The following NIPAL1 variants were observed in gnomAD, a reference collection of about 807,000 sequenced individuals.
NIPAL1 encodes the protein magnesium transporter NIPA3.
NIPAL1 carries 35 observed loss-of-function variants against 37.7 expected under a neutral mutation model. The observed-to-expected ratio is 0.93, with a 90% CI of 0.71 to 1.23. NIPAL1 has a LOEUF of 1.23. Among genes scored for constraint, NIPAL1 ranks in the 50% most tolerant of loss-of-function variants. NIPAL1 has a pLI of 0.00. For synonymous variants in NIPAL1, 162 were observed against 183.0 expected, an observed-to-expected ratio of 0.89 and a Z score of 0.93; for missense variants, 412 against 473.9, an observed-to-expected ratio of 0.87 and a Z score of 1.21.
Position 48,025,164 on chromosome 4 carries a change from A to T in NIPAL1, c.143A>T (p.Asp48Val). 6 of 1,614,208 alleles carry T rather than the reference A, an allele frequency of 3.7e-6. No homozygotes were observed. Among genetic ancestry groups the T allele is most frequent in the Non-Finnish European group, 5.1e-6 (6 of 1,180,012 alleles). Residue 48 changes from aspartate (D) to valine (V), a missense_variant, in exon 2 of 6, where the codon GAC becomes GTC. Asp to Val is a radical substitution (Grantham distance 152). Coordinates refer to ENST00000295461, the MANE Select transcript of NIPAL1 (RefSeq NM_207330.3). ...QLLASPVLYT[D>V]LNYSINNLSI... ...CTGGCTTCTCCTGTGCTCTACACGG[A>T]CCTGAATTACAGCATAAACAACTTG...
At position 48,037,341 on chromosome 4, in the gene NIPAL1, G is replaced by A. The variant is rs745816839; in HGVS notation, c.*1169G>A. ...AAAATGGAGTTTCTGAAGAAGTCCA[G>A]GTGAATTCAGCTTTGGAGTCACTTA... On this transcript the variant is annotated 3_prime_UTR_variant, in exon 6 of 6. Coordinates refer to ENST00000295461, the MANE Select transcript of NIPAL1 (RefSeq NM_207330.3). 1.6e-5 allele frequency: 6 copies of A among 375,728 alleles called. No individual in the cohort carries two copies. Among genetic ancestry groups the A allele is most frequent in the Non-Finnish European group, 3.1e-5 (6 of 191,578 alleles). 23.3% of individuals were successfully genotyped at this position (375,728 alleles called of 1,614,324 possible).
At chr4:48,016,954 G>C (rs750418312) in intron 1 of NIPAL1, 69 bp downstream of exon 1, 73 of 1,334,248 alleles carry the variant, frequency 5.5e-5, no homozygotes, top group Non-Finnish European at 7.5e-5. Flanking sequence ...GCGGTCCCCG[G>C]ACACTTGCGG....
Position 48,036,167 on chromosome 4 carries a change from G to A in NIPAL1, c.1228G>A (p.Asp410Asn). 1 of 1,595,022 alleles carries A rather than the reference G, an allele frequency of 6.3e-7. No individual in the cohort carries two copies. ...CGTTACCTTGTTTAGTAGAACTGATGACTGAAGTCTCTAGAAACACTGAGT... is the reference window on the plus strand; with the variant it reads ...CGTTACCTTGTTTAGTAGAACTGATAACTGAAGTCTCTAGAAACACTGAGT... ...DDVTLFSRTD[D>N] The change falls in exon 6 of 6, where the codon GAC becomes AAC. Residue 410 changes from aspartate to asparagine, a missense_variant. By Grantham distance (23) the Asp-to-Asn change is conservative. Coordinates refer to ENST00000295461, the MANE Select transcript of NIPAL1 (RefSeq NM_207330.3).
At chr4:48,018,176 T>C (rs1307544631) in intron 1 of NIPAL1, among the ~76,000 whole-genome samples, 1 of 152,202 alleles carries the variant, frequency 6.6e-6, no homozygotes, top group East Asian at 1.9e-4. Context: ...GGCAGCTGAA[T>C]CTAGAATTAT....
chr4:48,019,151 G>C (rs1715517178), intron 1 of NIPAL1, among the ~76,000 whole-genome samples: 1 of 152,146 alleles, frequency 6.6e-6, no homozygotes. Context: ...TCAAGTAGCT[G>C]GGAATACAGG....
chr4:48,020,322 G>A (rs1161173515), intron 1 of NIPAL1, among the ~76,000 whole-genome samples: 2 of 152,130 alleles, frequency 1.3e-5, no homozygotes, highest in Admixed American at 6.5e-5. Flanking sequence ...CAGGGGACAG[G>A]GAGTATTAAG....
intron 1 of NIPAL1, among the ~76,000 whole-genome samples, chr4:48,022,542 G>T (rs1479952725): frequency 6.6e-6 from 1 of 152,138 alleles, no homozygotes; most frequent in Non-Finnish European, 1.5e-5. Flanking sequence ...TCACTGGAAT[G>T]AGATCTACCC....
chr4:48,016,894 C>A lies in NIPAL1; in HGVS notation c.46+9C>A. ...AGAGCCCTGCCGAGAAGGTTTGTGT[C>A]TGCCCTGAGCCGAGGGACCTGGCAG... On this transcript the variant is annotated intron_variant, in intron 1 of 5. Transcript: ENST00000295461. The A allele has an allele frequency of 6.3e-7, 1 of 1,595,702 alleles. No homozygotes were observed. Among genetic ancestry groups the A allele is most frequent in the Non-Finnish European group, 8.5e-7 (1 of 1,173,028 alleles).
intron 2 of NIPAL1, among the ~76,000 whole-genome samples, 195 bp from the exon 3 acceptor site, chr4:48,029,925 T>G (rs1387454456): frequency 1.3e-5 from 2 of 152,176 alleles, no homozygotes; most frequent in African/African-American, 4.8e-5. Flanking sequence ...GGGGATTTGT[T>G]AAATCATTGT....
rs1716042080 is a variant in NIPAL1, at chr4:48,039,931, A to G, written c.*3759A>G. The G allele has an allele frequency of 6.6e-6, 1 of 152,326 alleles. No individual in the cohort carries two copies. The highest frequency in any genetic ancestry group is 1.5e-5 in the Non-Finnish European group (1 of 68,030). 9.4% of individuals were successfully genotyped at this position (152,326 alleles called of 1,614,324 possible). A position where few individuals can be genotyped will look rare whatever the true frequency, so the allele number is the denominator to read the frequency against. On this transcript the variant is annotated 3_prime_UTR_variant, in exon 6 of 6. Transcript: ENST00000295461. ...ATCATACTATCTCAACACCAATACA[A>G]AATTATTCCAATAAAAATATTTTTC... is the stretch of plus-strand genomic sequence containing the variant.
intron 3 of NIPAL1, among the ~76,000 whole-genome samples, chr4:48,030,857 T>G (rs1423672766): frequency 6.6e-6 from 1 of 152,190 alleles, no homozygotes; most frequent in Non-Finnish European, 1.5e-5. Context: ...ATAAATTCCC[T>G]CTGTAGCCAG....
Position 48,034,909 on chromosome 4 carries a change from G to A in NIPAL1, c.490G>A (p.Glu164Lys), listed in dbSNP as rs1052017451. The change falls in exon 5 of 6, where the codon GAG (glutamate) becomes AAG (lysine). Residue 164 changes from glutamate to lysine, a missense_variant. Glu to Lys is a moderately conservative substitution (Grantham distance 56). Transcript: ENST00000295461. Reference sequence around the variant, plus strand: ...AATATTATCTTCCTACTTTTTAAACGAGCACTTGAACATTCATGGGAAAAT... The same window carrying A: ...AATATTATCTTCCTACTTTTTAAACAAGCACTTGAACATTCATGGGAAAAT... The part of the protein sequence containing the change: ...SAILSSYFLN[E>K]HLNIHGKIGC... 18 of 1,612,994 alleles carry A rather than the reference G, an allele frequency of 1.1e-5. No individual in the cohort carries two copies. Among genetic ancestry groups the A allele is most frequent in the Non-Finnish European group, 1.5e-5 (18 of 1,179,258 alleles).
chr4:48,036,281 C>G lies in NIPAL1; in HGVS notation c.*109C>G. 1 of 1,096,310 alleles carries G rather than the reference C, an allele frequency of 9.1e-7. No homozygotes were observed. The highest frequency in any genetic ancestry group is 2.6e-5 in the East Asian group (1 of 39,080). The allele number at this position is 1,096,310 out of a possible 1,614,324, so 67.9% of individuals were successfully genotyped here. A position where few individuals can be genotyped will look rare whatever the true frequency, so the allele number is the denominator to read the frequency against. ...AAAGTTAGCATTTTTGCAGTTCTAA[C>G]TAATTTAGATGTGAGGCCAAGTAAA... On this transcript the variant is annotated 3_prime_UTR_variant, in exon 6 of 6. Coordinates refer to ENST00000295461, the MANE Select transcript of NIPAL1 (RefSeq NM_207330.3).
rs1577628005 is a variant in NIPAL1 at position 48,035,430 on chromosome 4, ATGT to A, written c.623-127_623-125del. On this transcript the variant is annotated intron_variant, in intron 5 of 5. Coordinates refer to ENST00000295461, the MANE Select transcript of NIPAL1 (RefSeq NM_207330.3). ...AAAATATTGAGAACTATGCAATAGA[ATGT>A]TGTTTTTAATTTGATCTCACTTCTA... 13 of 812,834 alleles carry A rather than the reference ATGT, an allele frequency of 1.6e-5. No homozygotes were observed. In the East Asian group the frequency reaches 3.2e-4, roughly 20 times the overall value. The allele number at this position is 812,834 out of a possible 1,614,324, so 50.4% of individuals were successfully genotyped here.
intron 2 of NIPAL1, among the ~76,000 whole-genome samples, chr4:48,028,218 A>G (rs1443815923): frequency 1.3e-5 from 2 of 152,150 alleles, no homozygotes; most frequent in African/African-American, 4.8e-5. Context: ...GTACTGGTAT[A>G]AAAATACACA....
intron 3 of NIPAL1, among the ~76,000 whole-genome samples, chr4:48,032,093 T>C (rs1463672686): frequency 1.3e-5 from 2 of 152,228 alleles, no homozygotes; most frequent in African/African-American, 2.4e-5. Context: ...TCTGTAAATT[T>C]AGATTTGTTT....
Position 48,036,059 on chromosome 4 carries a change from G to T in NIPAL1, c.1120G>T (p.Glu374Ter), listed in dbSNP as rs773947677. Reference protein sequence around the residue: ...WSELTSTAKKEAVSLNVNENN... With the variant: ...WSELTSTAKK Reference sequence around the variant, plus strand: ...TGAGCTTACATCCACTGCTAAGAAAGAAGCCGTCTCTCTGAATGTCAATGA... The same window carrying T: ...TGAGCTTACATCCACTGCTAAGAAATAAGCCGTCTCTCTGAATGTCAATGA... Residue 374 changes from glutamate to a stop codon, truncating the protein, a stop_gained, in exon 6 of 6, where the codon GAA becomes TAA. Transcript: ENST00000295461. LOFTEE classifies it high-confidence loss of function. 1 of 1,610,396 alleles carries T rather than the reference G, an allele frequency of 6.2e-7. No individual in the cohort carries two copies. Among genetic ancestry groups the T allele is most frequent in the Admixed American group, 1.7e-5 (1 of 58,450 alleles).
chr4:48,025,276 C>T lies in NIPAL1; in HGVS notation c.255C>T (p.Ser85=). ...AVSSSIFIGS[S]FILKKKGLLQ... Reference sequence around the variant, plus strand: ...GCTCAAGTATTTTTATTGGCTCCAGCTTCATACTGAAAAAGAAGGGCCTCT... The same window carrying T: ...GCTCAAGTATTTTTATTGGCTCCAGTTTCATACTGAAAAAGAAGGGCCTCT... Residue 85 remains serine (S), a synonymous_variant, in exon 2 of 6, where the codon AGC becomes AGT. Coordinates refer to ENST00000295461, the MANE Select transcript of NIPAL1 (RefSeq NM_207330.3). The T allele has an allele frequency of 6.2e-7, 1 of 1,614,116 alleles. No individual in the cohort carries two copies. Among genetic ancestry groups the T allele is most frequent in the African/African-American group, 1.3e-5 (1 of 75,058 alleles).
Position 48,036,481 on chromosome 4 carries a change from C to A in NIPAL1, c.*309C>A. ...GTCTCTGCCAGGTGGCTCTTCATTT[C>A]TTTGGTAGCTATTTTTAGACTTACA... On this transcript the variant is annotated 3_prime_UTR_variant, in exon 6 of 6. Coordinates refer to ENST00000295461, the MANE Select transcript of NIPAL1 (RefSeq NM_207330.3). 1 of 321,928 alleles carries A rather than the reference C, an allele frequency of 3.1e-6. No homozygotes were observed. The highest frequency in any genetic ancestry group is 5.7e-6 in the Non-Finnish European group (1 of 176,346). 19.9% of individuals were successfully genotyped at this position (321,928 alleles called of 1,614,324 possible).
Sources: gnomAD v4.1 joint callset for allele counts (sites outside exome capture counted in the v4.1 genomes callset) on GRCh38, gnomAD v4.1.1 for gene constraint, MANE v1.5 for transcripts, NCBI Gene and HGNC (gene_info 2026-07-23, HGNC 2026-07-21) for gene names.